ARHGAP15: variants seen among roughly 807,000 people sequenced by gnomAD.
ARHGAP15 encodes Rho GTPase activating protein 15.
Under a neutral mutation model 63.7 loss-of-function variants are expected in ARHGAP15, and 51 were observed. The observed-to-expected ratio is 0.80, with a 90% CI of 0.64 to 1.01. ARHGAP15 has a LOEUF of 1.01. ARHGAP15 is among the 50% of genes least tolerant of loss of function. The probability of loss-of-function intolerance (pLI) is 0.00; values close to 1 mark genes in which losing one functional copy is unlikely to be tolerated. For synonymous variants in ARHGAP15, 191 were observed against 193.8 expected (o/e 0.99, Z 0.12); for missense variants, 560 against 564.6 (o/e 0.99, Z 0.08).
At chr2:143,682,986 A>G (rs1036498521) in intron 12 of ARHGAP15, 1 of 152,116 alleles carries the variant, frequency 6.6e-6, no homozygotes, top group African/African-American at 2.4e-5. Context: ...TTTTACGTTT[A>G]TTTTGTTTGG....
chr2:143,313,424 C>T (rs1683538686), intron 6 of ARHGAP15, among the ~76,000 whole-genome samples: 1 of 152,122 alleles, frequency 6.6e-6, no homozygotes, highest in Non-Finnish European at 1.5e-5. Context: ...ACCTGATTTT[C>T]TTTATCTTCT....
At chr2:143,288,279 C>T (rs1682213902) in intron 6 of ARHGAP15, among the ~76,000 whole-genome samples, 1 of 152,126 alleles carries the variant, frequency 6.6e-6, no homozygotes, top group Admixed American at 6.5e-5. Context: ...TGCATACTGA[C>T]CATTTTCCCC....
chr2:143,674,055 T>G (rs1028831513), intron 12 of ARHGAP15, among the ~76,000 whole-genome samples: 1 of 151,854 alleles, frequency 6.6e-6, no homozygotes. Context: ...GATGAGAGTA[T>G]AAAATGGTAC....
chr2:143,496,452 G>T (rs991376540), intron 9 of ARHGAP15, among the ~76,000 whole-genome samples: 1 of 152,114 alleles, frequency 6.6e-6, no homozygotes, highest in Non-Finnish European at 1.5e-5. Flanking sequence ...TGATAAATTG[G>T]TTTCCCTGTG....
chr2:143,395,667 T>C (rs1687725098), intron 6 of ARHGAP15, among the ~76,000 whole-genome samples: 1 of 151,776 alleles, frequency 6.6e-6, no homozygotes, highest in African/African-American at 2.4e-5. Flanking sequence ...CATGCATGAG[T>C]GAAAAGAGAA....
intron 9 of ARHGAP15, among the ~76,000 whole-genome samples, chr2:143,508,591 C>T (rs768759133): frequency 4.6e-5 from 7 of 151,992 alleles, no homozygotes; most frequent in Non-Finnish European, 8.8e-5. Flanking sequence ...TTCTCTATGC[C>T]GTTGTGATTC....
At chr2:143,438,253 A>G (rs1325332340) in intron 8 of ARHGAP15, among the ~76,000 whole-genome samples, 2 of 150,250 alleles carry the variant, frequency 1.3e-5, no homozygotes, top group African/African-American at 2.4e-5. Context: ...ATATGTGTAC[A>G]TATATACATA....
chr2:143,513,245 G>A (rs752744661), intron 9 of ARHGAP15, among the ~76,000 whole-genome samples: 1 of 152,046 alleles, frequency 6.6e-6, no homozygotes, highest in Non-Finnish European at 1.5e-5. Flanking sequence ...CCCTTGTGAG[G>A]GACTGGATGC....
intron 10 of ARHGAP15, among the ~76,000 whole-genome samples, chr2:143,549,807 T>C (rs1695478885): frequency 6.6e-6 from 1 of 152,182 alleles, no homozygotes; most frequent in Non-Finnish European, 1.5e-5. Flanking sequence ...AAGTCTTCCT[T>C]ACTTTGATAA....
chr2:143,377,191 A>C (rs1255953932), intron 6 of ARHGAP15, among the ~76,000 whole-genome samples: 1 of 151,988 alleles, frequency 6.6e-6, no homozygotes, highest in African/African-American at 2.4e-5. Context: ...ACTTTAAAAA[A>C]AATCCAGCCA....
At chr2:143,425,132 A>G (rs748208366) in intron 6 of ARHGAP15, among the ~76,000 whole-genome samples, 6 of 152,118 alleles carry the variant, frequency 3.9e-5, no homozygotes, top group Non-Finnish European at 8.8e-5. Flanking sequence ...ACATTTCAAT[A>G]CAAATGTCAT....
chr2:143,579,711 G>T (rs1022896381), intron 11 of ARHGAP15, among the ~76,000 whole-genome samples: 8 of 151,760 alleles, frequency 5.3e-5, no homozygotes, highest in Admixed American at 3.9e-4. Flanking sequence ...GAATAGTGCT[G>T]ATCATGCAAC....
intron 12 of ARHGAP15, among the ~76,000 whole-genome samples, chr2:143,651,757 A>C (rs1681175844): frequency 6.6e-6 from 1 of 151,952 alleles, no homozygotes. Context: ...TAGCCATTTA[A>C]GTAGGTTTGT....
At chr2:143,393,861 T>C (rs1687647614) in intron 6 of ARHGAP15, among the ~76,000 whole-genome samples, 1 of 151,688 alleles carries the variant, frequency 6.6e-6, no homozygotes, top group Non-Finnish European at 1.5e-5. Context: ...GTACAGCCGA[T>C]CTGACTGTAG....
intron 6 of ARHGAP15, among the ~76,000 whole-genome samples, chr2:143,384,559 T>C (rs1251416962): frequency 1.1e-5 from 1 of 87,108 alleles, no homozygotes; most frequent in Non-Finnish European, 2.4e-5. Flanking sequence ...CTATGTGTTT[T>C]AGAGTTAAAA....
At chr2:143,193,159 G>A (rs1691744474) in intron 2 of ARHGAP15, among the ~76,000 whole-genome samples, 1 of 152,130 alleles carries the variant, frequency 6.6e-6, no homozygotes, top group African/African-American at 2.4e-5. Context: ...GACAGATATT[G>A]TACAAAGAAA....
intron 13 of ARHGAP15, among the ~76,000 whole-genome samples, chr2:143,732,808 A>G (rs928499239): frequency 6.6e-5 from 10 of 152,080 alleles, no homozygotes; most frequent in Admixed American, 5.9e-4. Flanking sequence ...ACTTTAAAAA[A>G]CAGAGATGAG....
chr2:143,449,706 G>A (rs541356083), intron 8 of ARHGAP15, among the ~76,000 whole-genome samples: 6 of 152,110 alleles, frequency 3.9e-5, no homozygotes, highest in African/African-American at 1.4e-4. Context: ...AAAAATAGAG[G>A]AAAGATTCAA....
At chr2:143,386,762 C>T (rs970724006) in intron 6 of ARHGAP15, among the ~76,000 whole-genome samples, 20 of 152,120 alleles carry the variant, frequency 1.3e-4, no homozygotes, top group African/African-American at 4.1e-4. Context: ...ACTACTTTGC[C>T]ATGTAATATT....
Sources: gnomAD v4.1 joint callset for allele counts (sites outside exome capture counted in the v4.1 genomes callset) on GRCh38, gnomAD v4.1.1 for gene constraint, MANE v1.5 for transcripts, NCBI Gene and HGNC (gene_info 2026-07-23, HGNC 2026-07-21) for gene names.